The following DHRS9 variants were observed in gnomAD, a reference collection of about 807,000 sequenced individuals.
DHRS9 encodes dehydrogenase/reductase 9, also known as dehydrogenase/reductase SDR family member 9.
A neutral mutation model predicts 26.6 loss-of-function variants in DHRS9; 18 were observed. That is an observed-to-expected ratio of 0.68 (90% confidence interval 0.47 to 1.00). The LOEUF (loss-of-function observed/expected upper bound fraction) is 1.00, where lower values mean the gene tolerates loss of function less well. DHRS9 is among the 50% of genes least tolerant of loss of function. The pLI, the probability that DHRS9 is intolerant of heterozygous loss-of-function variation, is 0.00. For synonymous variants in DHRS9, 134 were observed against 141.1 expected (o/e 0.95, Z 0.36); for missense variants, 425 against 378.7 (o/e 1.12, Z -1.01).
upstream of DHRS9, chr2:169,069,502 G>A (rs1244146991): frequency 5.1e-5 from 50 of 985,244 alleles, no homozygotes; most frequent in Admixed American, 6.2e-5. Flanking sequence ...ATCACGTTGT[G>A]TCACAATGGG....
intron 3 of DHRS9, among the ~76,000 whole-genome samples, chr2:169,083,877 T>A (rs905774021): frequency 5.9e-5 from 9 of 152,204 alleles, no homozygotes; most frequent in African/African-American, 2.2e-4. Flanking sequence ...TTTTTAAATC[T>A]GTGATAAATT....
rs1464421441 is a variant in DHRS9 at position 169,070,832 on chromosome 2, A to C, written c.-60+1115A>C. 4.0e-6 allele frequency: 3 copies of C among 746,440 alleles called. No individual in the cohort carries two copies. In the African/African-American group the frequency reaches 5.7e-5, roughly 14 times the overall value. 46.2% of individuals were successfully genotyped at this position (746,440 alleles called of 1,614,324 possible). On this transcript the variant is annotated intron_variant, in intron 1 of 4. Coordinates refer to ENST00000674881, the MANE Select transcript of DHRS9 (RefSeq NM_001376924.1). ...GTAATCCCAGCACTTTGGGAGGCCG[A>C]GGCCGGCGGATCACAAGGTCAGGAG...
chr2:169,082,915 A>T (rs78988474), intron 2 of DHRS9, among the ~76,000 whole-genome samples: 1 of 151,796 alleles, frequency 6.6e-6, no homozygotes, highest in Non-Finnish European at 1.5e-5. Flanking sequence ...TAGCATTAGG[A>T]GATATATCTA....
chr2:169,094,365 T>C (rs1684628114), intron 4 of DHRS9, among the ~76,000 whole-genome samples: 1 of 152,150 alleles, frequency 6.6e-6, no homozygotes, highest in Non-Finnish European at 1.5e-5. Flanking sequence ...TTTCCCATTC[T>C]GTATGTTTTC....
intron 1 of DHRS9, among the ~76,000 whole-genome samples, chr2:169,079,983 GAGAAAGAAAGAA>G (rs1279888912): frequency 0.019 from 885 of 46,812 alleles, 18 homozygotes; most frequent in Middle Eastern, 0.022. Flanking sequence ...GAGAGAGAGA[GAGAAAGAAAGAA>G]AGAAAGAAAG....
At chr2:169,080,048 A>AGAAAGAAG (rs1684135606) in intron 1 of DHRS9, among the ~76,000 whole-genome samples, 1 of 146,556 alleles carries the variant, frequency 6.8e-6, no homozygotes, top group Admixed American at 6.9e-5. Flanking sequence ...AAAGAAAGAA[A>AGAAAGAAG]GAAAATAAAG....
chr2:169,075,602 A>G (rs973625327), intron 1 of DHRS9, among the ~76,000 whole-genome samples: 1 of 152,142 alleles, frequency 6.6e-6, no homozygotes, highest in Admixed American at 6.5e-5. Flanking sequence ...TTCTGAAAAA[A>G]GAAAAAAAAA....
chr2:169,072,326 T>C (rs1478940481), intron 1 of DHRS9, among the ~76,000 whole-genome samples: 1 of 152,198 alleles, frequency 6.6e-6, no homozygotes, highest in East Asian at 1.9e-4. Flanking sequence ...CTCCTGACAG[T>C]GTGGTTGACT....
intron 3 of DHRS9, among the ~76,000 whole-genome samples, 199 bp from the exon 4 acceptor site, chr2:169,091,591 G>A (rs947434264): frequency 3.3e-5 from 5 of 152,178 alleles, no homozygotes; most frequent in South Asian, 2.1e-4. Context: ...CTGTCCTGCC[G>A]TTAACTAGTC....
intron 1 of DHRS9, chr2:169,072,686 G>C: frequency 1.0e-6 from 1 of 982,830 alleles, no homozygotes; most frequent in South Asian, 4.7e-5. Flanking sequence ...ATTGTGCATG[G>C]TGTATGAAAG....
intron 4 of DHRS9, 48 bp from the exon 5 acceptor site, chr2:169,095,496 T>C: frequency 7.3e-6 from 11 of 1,505,578 alleles, no homozygotes; most frequent in Non-Finnish European, 1.0e-5. Context: ...ACTTCCACTC[T>C]GCTTTCCCCT....
chr2:169,069,822 T>C, intron 1 of DHRS9, 105 bp downstream of exon 1: 1 of 928,858 alleles, frequency 1.1e-6, no homozygotes, highest in Admixed American at 6.2e-5. Context: ...TCTTTCAAGC[T>C]GTGGTCAATG....
intron 1 of DHRS9, 140 bp downstream of exon 1, chr2:169,069,857 A>G (rs1316885724): frequency 2.2e-5 from 18 of 813,652 alleles, no homozygotes; most frequent in Non-Finnish European, 2.7e-5. Context: ...AATGTAACAC[A>G]TTAGAACCCA....
chr2:169,072,107 G>A (rs1351050566), intron 1 of DHRS9, among the ~76,000 whole-genome samples: 4 of 151,658 alleles, frequency 2.6e-5, no homozygotes, highest in South Asian at 2.1e-4. Flanking sequence ...TAAGTCAACC[G>A]GGTTTACAAT....
intron 1 of DHRS9, among the ~76,000 whole-genome samples, chr2:169,071,855 G>A (rs1390605151): frequency 6.6e-6 from 1 of 152,026 alleles, no homozygotes; most frequent in African/African-American, 2.4e-5. Context: ...TTAATGTAGG[G>A]TCCCTTGGTG....
At chr2:169,095,170 A>G (rs891487553) in intron 4 of DHRS9, among the ~76,000 whole-genome samples, 2 of 152,120 alleles carry the variant, frequency 1.3e-5, no homozygotes, top group Non-Finnish European at 2.9e-5. Flanking sequence ...TCATTGCTCT[A>G]AAGCACTGAG....
chr2:169,074,399 C>T (rs1683899672), intron 1 of DHRS9: 3 of 985,354 alleles, frequency 3.0e-6, no homozygotes, highest in Non-Finnish European at 3.6e-6. Context: ...GATTTACGCC[C>T]TATTAAGCAA....
chr2:169,086,213 G>C (rs1684345233), intron 3 of DHRS9, among the ~76,000 whole-genome samples: 1 of 151,502 alleles, frequency 6.6e-6, no homozygotes, highest in African/African-American at 2.4e-5. Flanking sequence ...TTTTCAAATA[G>C]CCTGTCTTCA....
Position 169,095,891 on chromosome 2 carries a change from T to C in DHRS9, c.*124T>C, listed in dbSNP as rs1574041882. ...CTCATTTAGATCGTGCTTATTTGGA[T>C]TGCAAAAGGGAGTCCCACCATCGCT... On this transcript the variant is annotated 3_prime_UTR_variant, in exon 5 of 5. Transcript: ENST00000674881. 1 of 894,564 alleles carries C rather than the reference T, an allele frequency of 1.1e-6. No individual in the cohort carries two copies. The highest frequency in any genetic ancestry group is 1.7e-5 in the South Asian group (1 of 58,972). The allele number at this position is 894,564 out of a possible 1,614,324, so 55.4% of individuals were successfully genotyped here.
Sources: gnomAD v4.1 joint callset for allele counts (sites outside exome capture counted in the v4.1 genomes callset) on GRCh38, gnomAD v4.1.1 for gene constraint, MANE v1.5 for transcripts, NCBI Gene and HGNC (gene_info 2026-07-23, HGNC 2026-07-21) for gene names.